Variants in FBXL17 observed in about 807,000 individuals in gnomAD.
FBXL17 encodes the protein F-box and leucine rich repeat protein 17, also known as F-box/LRR-repeat protein 17.
In FBXL17, 22 loss-of-function variants were observed where a neutral mutation model predicts 66.2. The ratio of observed to expected loss-of-function variants is 0.33; its 90% CI spans 0.24 to 0.47. The LOEUF is 0.47. Ranked by LOEUF, FBXL17 falls within the 20% of genes least tolerant of loss-of-function variation. The pLI, the probability that FBXL17 is intolerant of heterozygous loss-of-function variation, is 1.00. For missense variants in FBXL17, 878 were observed against 948.2 expected (o/e 0.93, Z 0.97); for synonymous variants, 474 against 400.5 (o/e 1.18, Z -2.19).
At chr5:108,377,157 G>A (rs1282106887) in intron 1 of FBXL17, among the ~76,000 whole-genome samples, 2 of 152,188 alleles carry the variant, frequency 1.3e-5, no homozygotes, top group Non-Finnish European at 2.9e-5. Flanking sequence ...TCTGGGTTAA[G>A]AAGGGCACAT....
intron 6 of FBXL17, among the ~76,000 whole-genome samples, chr5:108,070,781 G>A (rs1748298824): frequency 6.6e-6 from 1 of 152,156 alleles, no homozygotes; most frequent in South Asian, 2.1e-4. Context: ...TGAATAGTTC[G>A]AGAGTGCAGC....
intron 7 of FBXL17, among the ~76,000 whole-genome samples, chr5:107,989,122 C>G (rs568351198): frequency 9.2e-4 from 140 of 152,126 alleles, no homozygotes; most frequent in African/African-American, 3.2e-3. Context: ...TAAACATTTA[C>G]CATTTCTTTG....
At chr5:107,899,412 G>A (rs566755780) in intron 7 of FBXL17, among the ~76,000 whole-genome samples, 1 of 152,244 alleles carries the variant, frequency 6.6e-6, no homozygotes, top group African/African-American at 2.4e-5. Flanking sequence ...AGGCCGAGGC[G>A]AGAGGGACAG....
At chr5:108,112,230 TAA>T (rs34055561) in intron 6 of FBXL17, among the ~76,000 whole-genome samples, 44,883 of 151,928 alleles carry the variant, frequency 0.3, 7,607 homozygotes, top group Admixed American at 0.39. Flanking sequence ...TCTGGTCACA[TAA>T]AAAAGAAAAC....
chr5:108,067,369 G>A (rs1201680238), intron 6 of FBXL17, among the ~76,000 whole-genome samples: 1 of 152,002 alleles, frequency 6.6e-6, no homozygotes, highest in Non-Finnish European at 1.5e-5. Context: ...ACAAATTGGA[G>A]GAGTTCAACA....
At chr5:108,221,644 G>C (rs969020281) in intron 5 of FBXL17, among the ~76,000 whole-genome samples, 5 of 152,030 alleles carry the variant, frequency 3.3e-5, no homozygotes, top group Admixed American at 2.6e-4. Flanking sequence ...ACATCCTCTT[G>C]ATTATTTATT....
intron 4 of FBXL17, among the ~76,000 whole-genome samples, chr5:108,322,596 T>G (rs886715485): frequency 1.3e-5 from 2 of 151,958 alleles, no homozygotes; most frequent in African/African-American, 4.8e-5. Context: ...CAAGACTTCC[T>G]GGTTTGTATT....
chr5:108,346,055 T>C (rs1357497817), intron 4 of FBXL17, among the ~76,000 whole-genome samples: 1 of 152,148 alleles, frequency 6.6e-6, no homozygotes, highest in Non-Finnish European at 1.5e-5. Flanking sequence ...AAAATATTTG[T>C]TGTTACATTA....
intron 7 of FBXL17, among the ~76,000 whole-genome samples, chr5:107,946,872 A>T (rs1025637876): frequency 2.6e-5 from 4 of 152,174 alleles, no homozygotes; most frequent in Admixed American, 2.0e-4. Context: ...ATGCTTAGCA[A>T]TTAGCAGGAA....
chr5:108,299,244 C>A (rs931735439), intron 4 of FBXL17: 2 of 985,048 alleles, frequency 2.0e-6, no homozygotes, highest in African/African-American at 1.7e-5. Context: ...CCAATCTGCA[C>A]CTAGTTTAAA....
intron 7 of FBXL17, among the ~76,000 whole-genome samples, chr5:107,918,865 C>A (rs1750219236): frequency 6.6e-6 from 1 of 152,164 alleles, no homozygotes; most frequent in Non-Finnish European, 1.5e-5. Flanking sequence ...GCTCAGCCCT[C>A]TTCTGGATTT....
intron 6 of FBXL17, among the ~76,000 whole-genome samples, chr5:108,083,412 T>C (rs1748850650): frequency 6.6e-6 from 1 of 152,188 alleles, no homozygotes; most frequent in Non-Finnish European, 1.5e-5. Context: ...CAGAGTTTGT[T>C]TGTTTTAAGA....
intron 4 of FBXL17, among the ~76,000 whole-genome samples, chr5:108,335,031 A>C (rs1760311561): frequency 6.6e-6 from 1 of 152,190 alleles, no homozygotes; most frequent in African/African-American, 2.4e-5. Context: ...TCAAAAATAA[A>C]TTCCACTAGT....
Position 107,860,325 on chromosome 5 carries a change from G to A in FBXL17, c.*1395C>T, listed in dbSNP as rs1748087589. On this transcript the variant is annotated 3_prime_UTR_variant, in exon 9 of 9. Transcript: ENST00000542267. The stretch of plus-strand genomic sequence containing the variant: ...TAGCAACTTCACAAGTTAGGGTTTT[G>A]TTTCTAGTTCTACTGTGAAAGATAA... 6.6e-6 allele frequency: 1 copy of A among 152,588 alleles called. No individual in the cohort carries two copies. Among genetic ancestry groups the A allele is most frequent in the African/African-American group, 2.4e-5 (1 of 41,448 alleles). The allele number at this position is 152,588 out of a possible 1,614,324, so 9.5% of individuals were successfully genotyped here. A position where few individuals can be genotyped will look rare whatever the true frequency, so the allele number is the denominator to read the frequency against.
intron 5 of FBXL17, among the ~76,000 whole-genome samples, chr5:108,220,520 G>A (rs868163955): frequency 3.9e-5 from 6 of 152,228 alleles, no homozygotes; most frequent in African/African-American, 1.4e-4. Context: ...AGTTGTTTCA[G>A]GAAAGAGTAA....
intron 6 of FBXL17, among the ~76,000 whole-genome samples, chr5:108,172,078 G>T (rs923216366): frequency 3.9e-5 from 6 of 152,180 alleles, no homozygotes; most frequent in African/African-American, 1.4e-4. Context: ...CCCAGTCTCG[G>T]GTATGTCCCC....
At chr5:108,192,291 T>A (rs1345660674) in intron 5 of FBXL17, among the ~76,000 whole-genome samples, 1 of 152,202 alleles carries the variant, frequency 6.6e-6, no homozygotes, top group Non-Finnish European at 1.5e-5. Context: ...CACAGAGGAT[T>A]TGAATAAGCA....
chr5:107,979,967 T>C (rs1375108798), intron 7 of FBXL17, among the ~76,000 whole-genome samples: 1 of 152,236 alleles, frequency 6.6e-6, no homozygotes, highest in Non-Finnish European at 1.5e-5. Flanking sequence ...ATGCATCTGG[T>C]ATGCTCTGAC....
At chr5:108,214,275 C>T (rs2966811) in intron 5 of FBXL17, among the ~76,000 whole-genome samples, 49,830 of 151,536 alleles carry the variant, frequency 0.33, 8,329 homozygotes, top group Middle Eastern at 0.38. Context: ...ATATATCCCA[C>T]GAGGATAAGG....
Sources: allele counts gnomAD v4.1 joint callset (sites outside exome capture counted in the v4.1 genomes callset), GRCh38; gene constraint gnomAD v4.1.1; transcripts MANE v1.5; gene names NCBI Gene and HGNC (gene_info 2026-07-23, HGNC 2026-07-21).